The following CUL9 variants were observed in gnomAD, a reference collection of about 807,000 sequenced individuals.
The protein encoded by CUL9 is cullin-9.
In CUL9, 79 loss-of-function variants were observed where a neutral mutation model predicts 272.6. The ratio of observed to expected loss-of-function variants is 0.29; its 90% CI spans 0.24 to 0.35. The LOEUF (loss-of-function observed/expected upper bound fraction) is 0.35. CUL9 is among the 10% of genes least tolerant of loss of function. The pLI, the probability that CUL9 is intolerant of heterozygous loss-of-function variation, is 1.00. For missense variants in CUL9, 2,532 were observed against 3,255.6 expected (o/e 0.78, Z 5.41); for synonymous variants, 1,186 against 1,286.5 (o/e 0.92, Z 1.67).
intron 11 of CUL9, among the ~76,000 whole-genome samples, chr6:43,197,658 A>G (rs1774134162): frequency 6.6e-6 from 1 of 151,598 alleles, no homozygotes; most frequent in Non-Finnish European, 1.5e-5. Context: ...TAATTTTTGT[A>G]TATTTAGTAG....
At chr6:43,196,507 C>A in intron 10 of CUL9, 138 bp from the exon 11 acceptor site, 1 of 884,404 alleles carries the variant, frequency 1.1e-6, no homozygotes, top group Non-Finnish European at 1.9e-6. Context: ...GGCCCAAGGT[C>A]AGGGGATCAG....
rs1447842888 is a variant in CUL9, at chr6:43,221,228, G to C, written c.6659G>C (p.Ser2220Thr). Residue 2220 changes from serine (S) to threonine (T), a missense_variant, in exon 34 of 41, where the codon AGC (serine) becomes ACC (threonine). Physicochemically the swap from Ser to Thr is moderately conservative, Grantham distance 58. This residue lies in a region of CUL9 where 77 missense variants were observed against 161.1 expected (regional missense o/e 0.48). Transcript: ENST00000252050. The surrounding 1 kb of genome is among the most constrained non-coding windows in gnomAD (Gnocchi z 4.2). ...VDDGGYYDGM[S>T]VEAQSKHLAK... The stretch of plus-strand genomic sequence containing the variant: ...GACGGTGGCTACTATGACGGCATGA[G>C]CGTGGAGGCGCAGAGCAAGCACCTG... 6.2e-6 allele frequency: 10 copies of C among 1,611,864 alleles called. No homozygotes were observed. The highest frequency in any genetic ancestry group is 2.2e-5 in the South Asian group (2 of 91,068).
Position 43,203,377 on chromosome 6 carries a change from C to A in CUL9, c.3850-40C>A, listed in dbSNP as rs375726472. 1.9e-6 allele frequency: 3 copies of A among 1,610,516 alleles called. No individual in the cohort carries two copies. Among genetic ancestry groups the A allele is most frequent in the Non-Finnish European group, 2.5e-6 (3 of 1,178,134 alleles). On this transcript the variant is annotated intron_variant, in intron 18 of 40. Coordinates refer to ENST00000252050, the MANE Select transcript of CUL9 (RefSeq NM_015089.4). This position sits in a 1 kb window ranked among gnomAD's most constrained non-coding sequence, Gnocchi z 5.0. ...TTGGCTTTGGTAGTACTTAGTGGCT[C>A]AAGCGGCTTGGGTGACAGATAAGTC...
rs894768039 is a variant in CUL9 at position 43,223,047 on chromosome 6, A to C, written c.7150+151A>C. The C allele has an allele frequency of 2.3e-5, 21 of 901,528 alleles. No individual in the cohort carries two copies. The African/African-American group carries it at 3.2e-4, about 14-fold the overall frequency. 55.8% of individuals were successfully genotyped at this position (901,528 alleles called of 1,614,324 possible). A position where few individuals can be genotyped will look rare whatever the true frequency, so the allele number is the denominator to read the frequency against. Reference sequence around the variant, plus strand: ...TGGCCTTCTCACTGCCTGGCTGTTAAAGCTCAGGTCGAAAGCCTACATTGT... The same window carrying C: ...TGGCCTTCTCACTGCCTGGCTGTTACAGCTCAGGTCGAAAGCCTACATTGT... On this transcript the variant is annotated intron_variant, in intron 38 of 40. Transcript: ENST00000252050. The surrounding 1 kb of genome is among the most constrained non-coding windows in gnomAD (Gnocchi z 4.1).
chr6:43,200,289 T>C lies in CUL9; in HGVS notation c.3384+133T>C. 6.8e-7 allele frequency: 1 copy of C among 1,479,754 alleles called. No individual in the cohort carries two copies. The highest frequency in any genetic ancestry group is 9.3e-7 in the Non-Finnish European group (1 of 1,079,930). 91.7% of individuals were successfully genotyped at this position (1,479,754 alleles called of 1,614,324 possible). A position where few individuals can be genotyped will look rare whatever the true frequency, so the allele number is the denominator to read the frequency against. ...AATCTGGGGCACTTGTTTCCTAACC[T>C]TGACTCCACATGGTTCTGTCAAAAT... On this transcript the variant is annotated intron_variant, in intron 14 of 40. Transcript: ENST00000252050. This position sits in a 1 kb window ranked among gnomAD's most constrained non-coding sequence, Gnocchi z 4.0.
Position 43,203,456 on chromosome 6 carries a change from G to T in CUL9, c.3889G>T (p.Gly1297Cys). 1.9e-6 allele frequency: 3 copies of T among 1,614,120 alleles called. No individual in the cohort carries two copies. The highest frequency in any genetic ancestry group is 1.7e-6 in the Non-Finnish European group (2 of 1,180,030). The change falls in exon 19 of 41, where the codon GGC becomes TGC. Residue 1297 changes from glycine (G) to cysteine (C), a missense_variant. Gly to Cys is a radical substitution (Grantham distance 159). Around this residue, in one of 3 missense-constraint regions of CUL9, gnomAD observed 2,218 missense variants for 2,788.6 expected, o/e 0.80. Transcript: ENST00000252050. The surrounding 1 kb of genome is among the most constrained non-coding windows in gnomAD (Gnocchi z 5.0). Reference protein sequence around the residue: ...DTRVRGVEVLGPKPTFWPLFR... With the variant: ...DTRVRGVEVLCPKPTFWPLFR... ...CCGGGTTCGGGGTGTGGAGGTCCTG[G>T]GCCCTAAGCCCACATTCTGGCCACT...
At chr6:43,192,916 G>T in intron 8 of CUL9, 85 bp from the exon 9 acceptor site, 2 of 1,173,756 alleles carry the variant, frequency 1.7e-6, no homozygotes, top group Non-Finnish European at 2.5e-6. Flanking sequence ...GGATGGGATT[G>T]GTCAGGGAGT....
intron 6 of CUL9, 21 bp downstream of exon 6, chr6:43,187,460 C>T (rs933084190): frequency 1.2e-6 from 2 of 1,610,866 alleles, no homozygotes; most frequent in Non-Finnish European, 1.7e-6. Flanking sequence ...TCTGAGATAC[C>T]TGGGGGTTTT....
intron 24 of CUL9, 125 bp downstream of exon 24, chr6:43,205,548 TGGCCA>T: frequency 8.6e-7 from 1 of 1,168,938 alleles, no homozygotes; most frequent in African/African-American, 1.5e-5. Context: ...TGGAGATGGC[TGGCCA>T]GGCGCGGTGG....
intron 8 of CUL9, among the ~76,000 whole-genome samples, chr6:43,190,565 A>G (rs1294347992): frequency 1.3e-5 from 2 of 152,220 alleles, no homozygotes; most frequent in African/African-American, 4.8e-5. Context: ...GAAAGCCATT[A>G]AGACAGAGAC....
At position 43,215,263 on chromosome 6, in the gene CUL9, G is replaced by C; in HGVS notation, c.5873G>C (p.Gly1958Ala). Reference protein sequence around the residue: ...ILMYAAPEPMGPCRGQADVPF... With the variant: ...ILMYAAPEPMAPCRGQADVPF... ...ATGTATGCCGCTCCAGAGCCCATGG[G>C]GCCCTGCCGGGGTCAGGCAGATGTC... Residue 1958 changes from glycine (G) to alanine (A), a missense_variant, in exon 30 of 41, where the codon GGG (glycine) becomes GCG (alanine). Gly to Ala is a moderately conservative substitution (Grantham distance 60). This residue lies in a region of CUL9 where 2,218 missense variants were observed against 2,788.6 expected (regional missense o/e 0.80). Transcript: ENST00000252050. The C allele has an allele frequency of 6.2e-7, 1 of 1,614,102 alleles. No individual in the cohort carries two copies. Among genetic ancestry groups the C allele is most frequent in the South Asian group, 1.1e-5 (1 of 91,080 alleles).
chr6:43,196,227 T>G lies in CUL9; in HGVS notation c.2547T>G (p.Thr849=). 1.2e-6 allele frequency: 2 copies of G among 1,614,126 alleles called. No individual in the cohort carries two copies. The highest frequency in any genetic ancestry group is 1.7e-6 in the Non-Finnish European group (2 of 1,180,028). ...CGGGCTCTGAGAGCCTGCTCCTCAC[T>G]GTCCCTGCAGCCGTGATCCTGATGC... ...TRPGSESLLL[T]VPAAVILMLN... is the part of the protein sequence containing the mutation. The change falls in exon 10 of 41, where the codon ACT becomes ACG. Residue 849 remains threonine, a synonymous_variant. Transcript: ENST00000252050.
chr6:43,221,273 G>A lies in CUL9; in HGVS notation c.6704G>A (p.Arg2235His), dbSNP rs975038563. The A allele has an allele frequency of 1.4e-5, 22 of 1,610,954 alleles. No homozygotes were observed. The highest frequency in any genetic ancestry group is 5.0e-5 in the Admixed American group (3 of 59,958). The part of the protein sequence containing the change: ...SKHLAKLISK[R>H]CPSCQAPIEK... ...CACCTGGCCAAGCTCATCTCCAAGC[G>A]CTGTCCCAGCTGTCAGGCTCCCATC... Residue 2235 changes from arginine (R) to histidine (H), a missense_variant, in exon 34 of 41, where the codon CGC (arginine) becomes CAC (histidine). This residue lies in a region of CUL9 where 77 missense variants were observed against 161.1 expected (regional missense o/e 0.48). Coordinates refer to ENST00000252050, the MANE Select transcript of CUL9 (RefSeq NM_015089.4). The surrounding 1 kb of genome is among the most constrained non-coding windows in gnomAD (Gnocchi z 4.2).
chr6:43,222,303 G>T lies in CUL9; in HGVS notation c.6847-13G>T, dbSNP rs769416425. On this transcript the variant is annotated splice_polypyrimidine_tract_variant and intron_variant, in intron 35 of 40. Coordinates refer to ENST00000252050, the MANE Select transcript of CUL9 (RefSeq NM_015089.4). ...CAAAACACCCAATAGCCCTCCCAAC[G>T]TATCCTTGCTAGGTAAGCAAGGCAG... 1 of 1,612,854 alleles carries T rather than the reference G, an allele frequency of 6.2e-7. No individual in the cohort carries two copies. Among genetic ancestry groups the T allele is most frequent in the African/African-American group, 1.3e-5 (1 of 74,888 alleles).
Position 43,199,967 on chromosome 6 carries a change from C to T in CUL9, c.3195C>T (p.Ala1065=). The T allele has an allele frequency of 6.2e-7, 1 of 1,614,190 alleles. No individual in the cohort carries two copies. The change falls in exon 14 of 41, where the codon GCC becomes GCT. Residue 1065 remains alanine, a synonymous_variant. Transcript: ENST00000252050. The surrounding 1 kb of genome is among the most constrained non-coding windows in gnomAD (Gnocchi z 4.4). ...TGACCTGCTTCCTACATCGCCTGGC[C>T]TCGATGCATAAGGACTATGCTGTGG... The part of the protein sequence containing the change: ...QELTCFLHRL[A]SMHKDYAVVL...
rs1164037332 is a variant in CUL9 at position 43,187,370 on chromosome 6, C to T, written c.1512C>T (p.Phe504=). The part of the protein sequence containing the change: ...LTQAEWWELL[F]FIKKLDLCEQ... ...AGGCTGAATGGTGGGAGCTGCTTTT[C>T]TTTATCAAAAAGTTGGACTTGTGTG... Residue 504 remains phenylalanine (F), a synonymous_variant, in exon 6 of 41, where the codon TTC becomes TTT. Transcript: ENST00000252050. 6.2e-7 allele frequency: 1 copy of T among 1,614,066 alleles called. No homozygotes were observed.
Position 43,224,492 on chromosome 6 carries a change from C to A in CUL9, c.*47C>A. The A allele has an allele frequency of 6.4e-7, 1 of 1,565,318 alleles. No homozygotes were observed. The highest frequency in any genetic ancestry group is 8.7e-7 in the Non-Finnish European group (1 of 1,151,514). On this transcript the variant is annotated 3_prime_UTR_variant, in exon 41 of 41. Coordinates refer to ENST00000252050, the MANE Select transcript of CUL9 (RefSeq NM_015089.4). The surrounding 1 kb of genome is among the most constrained non-coding windows in gnomAD (Gnocchi z 4.2). ...CTAGAGCAGCCCCAGAGTCACGGGG[C>A]TGAGGGGGCGGGAGCTGCCCCTGTC...
In CUL9 at chr6:43,184,418, T is replaced by G; in HGVS notation, c.108T>G (p.Pro36=). The change falls in exon 2 of 41, where the codon CCT becomes CCG. Residue 36 remains proline (P), a synonymous_variant. Coordinates refer to ENST00000252050, the MANE Select transcript of CUL9 (RefSeq NM_015089.4). This position sits in a 1 kb window ranked among gnomAD's most constrained non-coding sequence, Gnocchi z 4.8. The part of the protein sequence containing the change: ...IRQRPGHDGH[P]EYLIRWSVLK... ...AGAGGCCTGGGCATGACGGGCATCC[T>G]GAATACCTGATCCGATGGAGTGTCC... 6.2e-7 allele frequency: 1 copy of G among 1,613,786 alleles called. No individual in the cohort carries two copies. Among genetic ancestry groups the G allele is most frequent in the Non-Finnish European group, 8.5e-7 (1 of 1,179,832 alleles).
intron 29 of CUL9, 92 bp from the exon 30 acceptor site, chr6:43,214,987 G>T (rs1272969578): frequency 1.5e-5 from 22 of 1,441,124 alleles, no homozygotes; most frequent in East Asian, 4.6e-5. Context: ...AAAAAAAAAG[G>T]GGGGGAAAAA....
Sources: allele counts gnomAD v4.1 joint callset (sites outside exome capture counted in the v4.1 genomes callset), GRCh38; gene constraint gnomAD v4.1.1; regional missense constraint gnomAD v4.1.1; non-coding constraint Gnocchi (gnomAD v3.1); transcripts MANE v1.5; gene names NCBI Gene and HGNC (gene_info 2026-07-23, HGNC 2026-07-21).